The following SMOC2 variants were observed in gnomAD, a reference collection of about 807,000 sequenced individuals.
The protein encoded by SMOC2 is SPARC related modular calcium binding 2.
In SMOC2, 39 loss-of-function variants were observed where a neutral mutation model predicts 61.4. The ratio of observed to expected loss-of-function variants is 0.64; its 90% confidence interval spans 0.49 to 0.83. The LOEUF is 0.83. Among genes scored for constraint, SMOC2 ranks in the 40% least tolerant of loss-of-function variants. SMOC2 has a pLI of 0.00. For missense variants in SMOC2, 556 were observed against 592.9 expected (o/e 0.94, Z 0.65); for synonymous variants, 247 against 239.9 (o/e 1.03, Z -0.27).
intron 7 of SMOC2, among the ~76,000 whole-genome samples, chr6:168,577,778 C>T (rs964981872): frequency 5.9e-5 from 9 of 152,200 alleles, no homozygotes; most frequent in South Asian, 2.1e-4. Context: ...TGTTGAGACC[C>T]TGGAGGTGAC....
chr6:168,495,902 G>C (rs1782577976), intron 1 of SMOC2, among the ~76,000 whole-genome samples: 1 of 152,248 alleles, frequency 6.6e-6, no homozygotes. Context: ...TCACCGATGA[G>C]CGGTCAGGGC....
At chr6:168,520,166 A>G (rs1373093705) in intron 2 of SMOC2, among the ~76,000 whole-genome samples, 1 of 152,110 alleles carries the variant, frequency 6.6e-6, no homozygotes, top group African/African-American at 2.4e-5. Context: ...CAGCACTTTC[A>G]TCTATATTAG....
intron 9 of SMOC2, among the ~76,000 whole-genome samples, chr6:168,637,113 T>C (rs4637615): frequency 6.6e-6 from 1 of 152,062 alleles, no homozygotes; most frequent in South Asian, 2.1e-4. Context: ...TTGATCTTTC[T>C]AACTGAGGTA....
intron 7 of SMOC2, among the ~76,000 whole-genome samples, chr6:168,576,630 A>G (rs1053416560): frequency 2.3e-4 from 35 of 152,044 alleles, no homozygotes; most frequent in African/African-American, 8.2e-4. Context: ...GCCTCGCTCC[A>G]TGGAACCCCC....
At chr6:168,605,652 C>T (rs1785667777) in intron 8 of SMOC2, among the ~76,000 whole-genome samples, 1 of 152,150 alleles carries the variant, frequency 6.6e-6, no homozygotes, top group Non-Finnish European at 1.5e-5. Context: ...AATGCCCGTC[C>T]AGGTGGCTGG....
intron 7 of SMOC2, among the ~76,000 whole-genome samples, chr6:168,582,665 G>A (rs1045764086): frequency 6.6e-5 from 10 of 152,348 alleles, no homozygotes; most frequent in South Asian, 2.1e-4. Flanking sequence ...CACCTGGAGG[G>A]ACAGGTGACT....
At chr6:168,554,840 G>T (rs2115114302) in intron 7 of SMOC2, among the ~76,000 whole-genome samples, 1 of 152,292 alleles carries the variant, frequency 6.6e-6, no homozygotes, top group South Asian at 2.1e-4. Context: ...CTGTGTTTTG[G>T]GGACCTCATT....
Position 168,535,213 on chromosome 6 carries a change from G to A in SMOC2, c.463+7486G>A, listed in dbSNP as rs1353805369. The stretch of plus-strand genomic sequence containing the variant: ...TCTCAATCTCCTGACCTTGTGATCC[G>A]CTCACCTTGGCCTCCCAAAGTGCTG... On this transcript the variant is annotated intron_variant, in intron 4 of 12. Coordinates refer to ENST00000356284, the MANE Select transcript of SMOC2 (RefSeq NM_001166412.2). This position sits in a 1 kb window ranked among gnomAD's most constrained non-coding sequence, Gnocchi z 4.6. 3.9e-5 allele frequency among the ~76,000 whole-genome samples: 6 copies of A among 151,998 alleles called. No homozygotes were observed. Among genetic ancestry groups the A allele is most frequent in the South Asian group, 2.1e-4 (1 of 4,772 alleles).
intron 1 of SMOC2, among the ~76,000 whole-genome samples, chr6:168,492,341 G>A (rs1412822037): frequency 6.6e-6 from 1 of 152,184 alleles, no homozygotes; most frequent in Non-Finnish European, 1.5e-5. Context: ...CCTTTCCATA[G>A]TTTTCAGTTC....
chr6:168,608,521 G>A (rs1005361601), intron 9 of SMOC2, among the ~76,000 whole-genome samples: 6 of 152,148 alleles, frequency 3.9e-5, no homozygotes, highest in Non-Finnish European at 7.3e-5. Context: ...TCAGCACACA[G>A]CACCCTAACC....
intron 1 of SMOC2, among the ~76,000 whole-genome samples, chr6:168,509,503 G>A (rs908891332): frequency 1.6e-4 from 24 of 151,972 alleles, no homozygotes; most frequent in African/African-American, 4.8e-4. Context: ...CCTGATACTC[G>A]TCACTTCCAA....
At chr6:168,594,108 C>T (rs1583141057) in intron 7 of SMOC2, among the ~76,000 whole-genome samples, 1 of 52,060 alleles carries the variant, frequency 1.9e-5, no homozygotes, top group African/African-American at 6.8e-5. Context: ...TGAGGCCTCA[C>T]GAGGGGCATC....
chr6:168,657,571 G>A (rs532666134), intron 11 of SMOC2, among the ~76,000 whole-genome samples: 25 of 152,260 alleles, frequency 1.6e-4, no homozygotes, highest in African/African-American at 2.9e-4. Context: ...ACTGCCACCC[G>A]ATACTGCTTT....
intron 1 of SMOC2, among the ~76,000 whole-genome samples, chr6:168,488,866 A>G (rs1341457998): frequency 7.0e-6 from 1 of 142,328 alleles, no homozygotes; most frequent in African/African-American, 2.5e-5. Context: ...TTAGAATGAA[A>G]TATATCAAAT....
At chr6:168,586,658 A>G (rs1785052134) in intron 7 of SMOC2, among the ~76,000 whole-genome samples, 1 of 152,194 alleles carries the variant, frequency 6.6e-6, no homozygotes, top group Non-Finnish European at 1.5e-5. Context: ...TTTTTCAGCA[A>G]TGCTTTTAGT....
chr6:168,447,810 C>T (rs975253457), intron 1 of SMOC2, among the ~76,000 whole-genome samples: 5 of 138,844 alleles, frequency 3.6e-5, no homozygotes, highest in Non-Finnish European at 7.7e-5. Flanking sequence ...TCTTAAAGGA[C>T]AAGTTCACCA....
chr6:168,590,667 C>G (rs77764506), intron 7 of SMOC2, among the ~76,000 whole-genome samples: 32,090 of 151,800 alleles, frequency 0.21, 3,767 homozygotes, highest in South Asian at 0.28. Flanking sequence ...TTTTAGAATG[C>G]ATGTGATTCG....
At chr6:168,551,418 C>G (rs2115109559) in intron 7 of SMOC2, among the ~76,000 whole-genome samples, 1 of 147,780 alleles carries the variant, frequency 6.8e-6, no homozygotes, top group Non-Finnish European at 1.5e-5. Context: ...TGGAAATATA[C>G]TTTATTTTAT....
chr6:168,598,979 C>T lies in SMOC2; in HGVS notation c.799C>T (p.Arg267Cys), dbSNP rs776824810. The change falls in exon 8 of 13, where the codon CGC becomes TGC. Residue 267 changes from arginine (R) to cysteine (C), a missense_variant. Transcript: ENST00000356284. ...CTGGTGCGTCCTGGTGGACACGGGG[C>T]GCCCCATTCCCGGCACATCCACAAG... ...YCWCVLVDTG[R>C]PIPGTSTRYE... The T allele has an allele frequency of 1.2e-5, 19 of 1,610,162 alleles. No individual in the cohort carries two copies. The highest frequency in any genetic ancestry group is 2.2e-5 in the East Asian group (1 of 44,704).
Sources: gnomAD v4.1 joint callset for allele counts (sites outside exome capture counted in the v4.1 genomes callset) on GRCh38, gnomAD v4.1.1 for gene constraint, Gnocchi (gnomAD v3.1) non-coding constraint, MANE v1.5 for transcripts, NCBI Gene and HGNC (gene_info 2026-07-23, HGNC 2026-07-21) for gene names.